DNAI4: variants seen among roughly 807,000 people sequenced by gnomAD.
DNAI4 encodes the protein WD repeat domain 78.
Under a neutral mutation model 105.8 loss-of-function variants are expected in DNAI4, and 85 were observed. The ratio of observed to expected loss-of-function variants is 0.80; its 90% CI spans 0.67 to 0.96. The LOEUF (loss-of-function observed/expected upper bound fraction) is 0.96. Ranked by LOEUF, DNAI4 falls within the 40% of genes least tolerant of loss-of-function variation. DNAI4 has a pLI of 0.00. For missense variants in DNAI4, 1,014 were observed against 1,005.6 expected, an observed-to-expected ratio of 1.01 and a Z score of -0.11; for synonymous variants, 352 against 331.5, an observed-to-expected ratio of 1.06 and a Z score of -0.67.
intron 13 of DNAI4, among the ~76,000 whole-genome samples, chr1:66,833,265 T>C (rs1238219800): frequency 6.6e-6 from 1 of 152,136 alleles, no homozygotes; most frequent in East Asian, 1.9e-4. Context: ...AATTCACACA[T>C]GTCAAGTATA....
intron 4 of DNAI4, 111 bp from the exon 5 acceptor site, chr1:66,875,048 A>G: frequency 1.9e-6 from 2 of 1,058,280 alleles, no homozygotes; most frequent in South Asian, 3.4e-5. Flanking sequence ...GGTGGTTTAT[A>G]TAGTCAAGGA....
chr1:66,825,329 G>A (rs1645729201), intron 15 of DNAI4, among the ~76,000 whole-genome samples: 1 of 151,308 alleles, frequency 6.6e-6, no homozygotes, highest in East Asian at 1.9e-4. Context: ...ACAGGCGCCC[G>A]CCACCGCGCC....
rs914754519 is a variant in DNAI4, at chr1:66,875,472, G to A, written c.644-535C>T. Among the ~76,000 whole-genome samples, 28 of 152,150 alleles carry A rather than the reference G, an allele frequency of 1.8e-4. 1 individual carries two copies. Among genetic ancestry groups the A allele is most frequent in the African/African-American group, 6.5e-4 (27 of 41,538 alleles). On this transcript the variant is annotated intron_variant, in intron 4 of 16. Coordinates refer to ENST00000371026, the MANE Select transcript of DNAI4 (RefSeq NM_024763.5). ...CCTGGTTGACTATAGAAATAAAATT[G>A]GAACCAATGTCTATGCAAATAATAG...
At chr1:66,908,924 C>T (rs1649453354) in intron 1 of DNAI4, among the ~76,000 whole-genome samples, 2 of 152,174 alleles carry the variant, frequency 1.3e-5, no homozygotes, top group Admixed American at 6.5e-5. Context: ...CTTCATACTC[C>T]CACTGTCACA....
chr1:66,871,641 A>G (rs1002548817), intron 5 of DNAI4, 132 bp from the exon 6 acceptor site: 6 of 884,850 alleles, frequency 6.8e-6, no homozygotes, highest in Admixed American at 2.8e-5. Context: ...TGAGACTTCA[A>G]AAAAAGCCTT....
intron 7 of DNAI4, among the ~76,000 whole-genome samples, chr1:66,850,801 T>C (rs1646380585): frequency 6.6e-6 from 1 of 151,914 alleles, no homozygotes; most frequent in African/African-American, 2.4e-5. Context: ...CTATTGTGTA[T>C]GCATAATGGA....
chr1:66,833,228 T>C (rs1258853254), intron 13 of DNAI4, among the ~76,000 whole-genome samples: 1 of 152,204 alleles, frequency 6.6e-6, no homozygotes, highest in African/African-American at 2.4e-5. Context: ...AAAAAAGCTT[T>C]ATTGGAATAT....
intron 4 of DNAI4, among the ~76,000 whole-genome samples, chr1:66,889,090 G>A (rs1000602101): frequency 2.0e-5 from 3 of 152,144 alleles, no homozygotes; most frequent in Admixed American, 2.0e-4. Context: ...AGCAGACATT[G>A]CTGATTGGTT....
chr1:66,841,847 C>G (rs868774155), intron 8 of DNAI4, among the ~76,000 whole-genome samples: 9 of 152,162 alleles, frequency 5.9e-5, no homozygotes, highest in African/African-American at 1.9e-4. Flanking sequence ...CATAGTTTTA[C>G]ATTTTAAATT....
chr1:66,861,351 A>C (rs1646621437), intron 7 of DNAI4, among the ~76,000 whole-genome samples: 1 of 152,214 alleles, frequency 6.6e-6, no homozygotes. Flanking sequence ...CCATCACCTA[A>C]ATGCAGTAAT....
intron 1 of DNAI4, among the ~76,000 whole-genome samples, chr1:66,918,442 C>T (rs1650223037): frequency 6.6e-6 from 1 of 152,178 alleles, no homozygotes. Context: ...AAGTTGGAGT[C>T]ACTGAAAACT....
intron 1 of DNAI4, among the ~76,000 whole-genome samples, chr1:66,907,172 G>T (rs546740955): frequency 6.0e-4 from 91 of 151,864 alleles, no homozygotes; most frequent in African/African-American, 2.1e-3. Flanking sequence ...TTCTCTTTTT[G>T]CTCTGTAACT....
chr1:66,887,483 A>T (rs1295180995), intron 4 of DNAI4, among the ~76,000 whole-genome samples: 1 of 152,180 alleles, frequency 6.6e-6, no homozygotes, highest in African/African-American at 2.4e-5. Flanking sequence ...GGAGGGGGGA[A>T]GTTATAAACA....
At chr1:66,846,341 T>C (rs185100888) in intron 8 of DNAI4, among the ~76,000 whole-genome samples, 36 of 152,320 alleles carry the variant, frequency 2.4e-4, no homozygotes, top group Admixed American at 1.9e-3. Flanking sequence ...GTAAACTTTT[T>C]CTTTTTAAAT....
At chr1:66,880,855 C>T (rs770951224) in intron 4 of DNAI4, among the ~76,000 whole-genome samples, 22 of 152,198 alleles carry the variant, frequency 1.4e-4, no homozygotes, top group Non-Finnish European at 2.6e-4. Context: ...CCTCGCATCA[C>T]AAGCCTGGAG....
chr1:66,866,173 G>A (rs1021242726), intron 6 of DNAI4, among the ~76,000 whole-genome samples: 3 of 151,968 alleles, frequency 2.0e-5, no homozygotes, highest in East Asian at 1.9e-4. Context: ...CAGGTGTGAC[G>A]GCAGGCACTT....
At chr1:66,902,957 G>T (rs371871907) in intron 2 of DNAI4, among the ~76,000 whole-genome samples, 1 of 152,296 alleles carries the variant, frequency 6.6e-6, no homozygotes, top group African/African-American at 2.4e-5. Flanking sequence ...TGTGTAATAA[G>T]TTTTAAAATC....
At chr1:66,847,340 C>CT (rs1646298268) in intron 8 of DNAI4, 144 bp downstream of exon 8, 1 of 665,962 alleles carries the variant, frequency 1.5e-6, no homozygotes, top group African/African-American at 1.9e-5. Flanking sequence ...GTCACCCAGG[C>CT]TGGAGTGCAG....
intron 1 of DNAI4, among the ~76,000 whole-genome samples, chr1:66,921,072 C>CTG (rs1420710826): frequency 6.6e-6 from 1 of 152,142 alleles, no homozygotes; most frequent in Non-Finnish European, 1.5e-5. Flanking sequence ...TATTTTGTAA[C>CTG]TGTAAGACTA....
Sources: allele counts gnomAD v4.1 joint callset (sites outside exome capture counted in the v4.1 genomes callset), GRCh38; gene constraint gnomAD v4.1.1; transcripts MANE v1.5; gene names NCBI Gene and HGNC (gene_info 2026-07-23, HGNC 2026-07-21).